ERG: variants seen among roughly 807,000 people sequenced by gnomAD.
The protein encoded by ERG is transcriptional regulator ERG.
Under a neutral mutation model 55.3 loss-of-function variants are expected in ERG, and 9 were observed. The ratio of observed to expected loss-of-function variants is 0.16; its 90% confidence interval spans 0.10 to 0.28. The LOEUF is 0.28. ERG is among the 10% of genes least tolerant of loss of function. The probability of loss-of-function intolerance (pLI) is 1.00; values close to 1 mark genes in which losing one functional copy is unlikely to be tolerated. For missense variants in ERG, 434 were observed against 631.6 expected, an observed-to-expected ratio of 0.69 and a Z score of 3.35; for synonymous variants, 223 against 237.3, an observed-to-expected ratio of 0.94 and a Z score of 0.55.
chr21:38,445,635 G>A lies in ERG; in HGVS notation c.19-14C>T, dbSNP rs1168380889. The A allele has an allele frequency of 6.2e-7, 1 of 1,608,686 alleles. No individual in the cohort carries two copies. The highest frequency in any genetic ancestry group is 1.7e-5 in the Admixed American group (1 of 59,978). ...TGATAAGGCTTCCTGAATGCCCAAA[G>A]AAACACATAATTCAAGACACTCCAA... On this transcript the variant is annotated splice_polypyrimidine_tract_variant and intron_variant, in intron 1 of 9. Coordinates refer to ENST00000288319, the MANE Select transcript of ERG (RefSeq NM_182918.4).
chr21:38,401,320 A>C (rs1006789838), intron 5 of ERG, among the ~76,000 whole-genome samples: 3 of 152,230 alleles, frequency 2.0e-5, no homozygotes, highest in African/African-American at 7.2e-5. Flanking sequence ...ATTATCAGAA[A>C]ATGTGCATAG....
chr21:38,460,677 C>A lies in ERG; in HGVS notation c.19-15056G>T, dbSNP rs1030303644. On this transcript the variant is annotated intron_variant, in intron 1 of 9. Coordinates refer to ENST00000288319, the MANE Select transcript of ERG (RefSeq NM_182918.4). This position sits in a 1 kb window ranked among gnomAD's most constrained non-coding sequence, Gnocchi z 5.0. ...TCACACAGGAAATACCTCACTGAGGCTCCCACCCACCCATCCACTAATAGG... is the reference window on the plus strand; with the variant it reads ...TCACACAGGAAATACCTCACTGAGGATCCCACCCACCCATCCACTAATAGG... 2.6e-5 allele frequency among the ~76,000 whole-genome samples: 4 copies of A among 152,196 alleles called. No individual in the cohort carries two copies. The highest frequency in any genetic ancestry group is 9.7e-5 in the African/African-American group (4 of 41,440).
intron 2 of ERG, among the ~76,000 whole-genome samples, chr21:38,531,929 T>G (rs187596520): frequency 2.0e-5 from 3 of 152,068 alleles, no homozygotes; most frequent in South Asian, 2.1e-4. Context: ...TTCTTTCAAC[T>G]GAGGCAATTG....
intron 2 of ERG, among the ~76,000 whole-genome samples, chr21:38,571,251 C>T (rs2146855140): frequency 6.6e-6 from 1 of 152,212 alleles, no homozygotes; most frequent in African/African-American, 2.4e-5. Context: ...CTTGGTCATG[C>T]CTGTAATCCC....
chr21:38,608,000 T>A (rs2060206058), intron 1 of ERG, among the ~76,000 whole-genome samples: 1 of 152,122 alleles, frequency 6.6e-6, no homozygotes, highest in South Asian at 2.1e-4. Flanking sequence ...AACAGGAGAT[T>A]GGGATAGGCA....
At chr21:38,509,162 A>T (rs1320201765) in intron 2 of ERG, among the ~76,000 whole-genome samples, 1 of 152,206 alleles carries the variant, frequency 6.6e-6, no homozygotes, top group Non-Finnish European at 1.5e-5. Context: ...TAAAGTGATC[A>T]TTGTGATTTT....
At chr21:38,371,761 T>C in the ERG span, among the ~76,000 whole-genome samples, 5 of 152,190 alleles carry the variant, frequency 3.3e-5, no homozygotes, top group Admixed American at 2.0e-4. Flanking sequence ...ATTCTCCTTA[T>C]GAATATTTGG....
chr21:38,367,743 T>G, the ERG span: 1 of 447,004 alleles, frequency 2.2e-6, no homozygotes, highest in South Asian at 1.7e-5. Flanking sequence ...CTGCACAGAC[T>G]TTCATCAACA....
the ERG span, among the ~76,000 whole-genome samples, chr21:38,370,182 C>A: frequency 1.3e-5 from 2 of 152,130 alleles, no homozygotes; most frequent in Admixed American, 1.3e-4. Flanking sequence ...AATTTATATA[C>A]CCTTAGTTAC....
chr21:38,617,339 T>C (rs2060264917), intron 1 of ERG, among the ~76,000 whole-genome samples: 1 of 152,072 alleles, frequency 6.6e-6, no homozygotes, highest in Non-Finnish European at 1.5e-5. Flanking sequence ...CCATAACAGA[T>C]CCAAAATGGA....
At chr21:38,429,368 T>C (rs13050780) in intron 2 of ERG, among the ~76,000 whole-genome samples, 16,983 of 118,844 alleles carry the variant, frequency 0.14, 2,444 homozygotes, top group South Asian at 0.33. Context: ...ATATAATATG[T>C]ACACATATAC....
At chr21:38,466,393 A>T (rs1320344590) in intron 1 of ERG, among the ~76,000 whole-genome samples, 1 of 151,462 alleles carries the variant, frequency 6.6e-6, no homozygotes, top group East Asian at 1.9e-4. Flanking sequence ...AAATCATCTC[A>T]TCTTGCTCAA....
chr21:38,482,668 G>A (rs1452680324), intron 1 of ERG, among the ~76,000 whole-genome samples: 3 of 151,144 alleles, frequency 2.0e-5, no homozygotes, highest in Non-Finnish European at 4.4e-5. Context: ...TATATACAAC[G>A]GAATATCATT....
chr21:38,604,480 GT>G (rs143282707), intron 1 of ERG, among the ~76,000 whole-genome samples: 2,170 of 152,214 alleles, frequency 0.014, 58 homozygotes, highest in African/African-American at 0.049. Context: ...GCAATTTTGA[GT>G]TTTTAAATAA....
chr21:38,450,929 G>C, intron 1 of ERG: 1 of 455,868 alleles, frequency 2.2e-6, no homozygotes, highest in Non-Finnish European at 4.4e-6. Flanking sequence ...CAGAAAGTGC[G>C]ATTAGAGAAG....
intron 6 of ERG, among the ~76,000 whole-genome samples, chr21:38,397,756 T>C (rs76418768): frequency 0.023 from 3,505 of 152,018 alleles, 131 homozygotes; most frequent in African/African-American, 0.079. Context: ...ACAACACACA[T>C]GTGTAGGAGT....
intron 1 of ERG, among the ~76,000 whole-genome samples, chr21:38,617,021 C>A (rs1454720852): frequency 6.6e-6 from 1 of 152,080 alleles, no homozygotes. Context: ...CTAAAATTAC[C>A]TGCCTGAATT....
upstream of ERG, among the ~76,000 whole-genome samples, chr21:38,587,098 T>G (rs904148388): frequency 4.6e-5 from 7 of 152,274 alleles, no homozygotes; most frequent in African/African-American, 7.2e-5. Context: ...AACTCCTATT[T>G]CCTTCTTTAT....
intron 1 of ERG, among the ~76,000 whole-genome samples, chr21:38,615,292 T>C (rs1046762584): frequency 6.6e-6 from 1 of 152,150 alleles, no homozygotes; most frequent in Non-Finnish European, 1.5e-5. Context: ...CATGAGATGA[T>C]ATAAAATAAA....
Sources: allele counts gnomAD v4.1 joint callset (sites outside exome capture counted in the v4.1 genomes callset), GRCh38; gene constraint gnomAD v4.1.1; non-coding constraint Gnocchi (gnomAD v3.1); transcripts MANE v1.5; gene names NCBI Gene and HGNC (gene_info 2026-07-23, HGNC 2026-07-21).